DNAH17: variants seen among roughly 807,000 people sequenced by gnomAD.
DNAH17 encodes the protein axonemal beta dynein heavy chain 17.
DNAH17 carries 376 observed loss-of-function variants against 485.6 expected under a neutral mutation model. The ratio of observed to expected loss-of-function variants is 0.77; its 90% confidence interval spans 0.71 to 0.84. The LOEUF is 0.84. Ranked by LOEUF, DNAH17 falls within the 40% of genes least tolerant of loss-of-function variation. The pLI is 0.00. For synonymous variants in DNAH17, 3,031 were observed against 2,405.9 expected, an observed-to-expected ratio of 1.26 and a Z score of -7.60; for missense variants, 6,370 against 5,839.3, an observed-to-expected ratio of 1.09 and a Z score of -2.96.
In DNAH17 at chr17:78,466,664, C is replaced by T. The variant is rs1184534984; in HGVS notation, c.8931G>A (p.Glu2977=). The T allele has an allele frequency of 1.9e-6, 3 of 1,609,686 alleles. No homozygotes were observed. The African/African-American group carries it at 4.0e-5, about 22-fold the overall frequency. ...GGCCTCAGTGACTCACCGGAATCCC[C>T]TCAGTCTCCTCCAGGAAGCGGGCGC... ...SVSARFLEET[E]GIPWEVKASI... Residue 2977 remains glutamate, a synonymous_variant, in exon 56 of 81, where the codon GAG becomes GAA. Coordinates refer to ENST00000389840, the MANE Select transcript of DNAH17 (RefSeq NM_173628.4).
intron 75 of DNAH17, among the ~76,000 whole-genome samples, chr17:78,430,067 C>T (rs1459007164): frequency 1.3e-5 from 2 of 152,368 alleles, no homozygotes; most frequent in East Asian, 3.9e-4. Context: ...TGCTTCCTTG[C>T]AGTCTCACGT....
At chr17:78,561,179 G>A (rs555018733) in intron 12 of DNAH17, among the ~76,000 whole-genome samples, 5 of 152,134 alleles carry the variant, frequency 3.3e-5, no homozygotes, top group East Asian at 1.9e-4. Flanking sequence ...ACTGGCTCCC[G>A]ACCGCCAGGC....
At position 78,526,919 on chromosome 17, in the gene DNAH17, G is replaced by A. The variant is rs755738817; in HGVS notation, c.3585C>T (p.Asn1195=). The A allele has an allele frequency of 1.3e-5, 20 of 1,585,208 alleles. No homozygotes were observed. Among genetic ancestry groups the A allele is most frequent in the East Asian group, 4.6e-5 (2 of 43,550 alleles). Residue 1195 remains asparagine (N), a synonymous_variant, in exon 23 of 81, where the codon AAC becomes AAT. Transcript: ENST00000389840. The part of the protein sequence containing the change: ...VKLTVAPLQA[N]EVSILRRKCQ... ...ATTTCCGCCGCAGGATGCTGACCTC[G>A]TTGGCCTGGAGTGGTGCCACGGTCA...
In DNAH17 at chr17:78,475,440, G is replaced by T; in HGVS notation, c.8349C>A (p.Ile2783=). ...ACTCCAGGATGCGATTAATCCTGCA[G>T]ATGTGAGCCACGGCGTCCTCAAACA... ...LVLFEDAVAH[I]CRINRILESP... Residue 2783 remains isoleucine (I), a synonymous_variant, in exon 54 of 81, where the codon ATC becomes ATA. Coordinates refer to ENST00000389840, the MANE Select transcript of DNAH17 (RefSeq NM_173628.4). The T allele has an allele frequency of 6.2e-7, 1 of 1,613,940 alleles. No individual in the cohort carries two copies. Among genetic ancestry groups the T allele is most frequent in the Non-Finnish European group, 8.5e-7 (1 of 1,179,888 alleles).
intron 69 of DNAH17, among the ~76,000 whole-genome samples, chr17:78,446,718 A>G (rs373474949): frequency 1.8e-4 from 28 of 152,256 alleles, no homozygotes; most frequent in African/African-American, 6.0e-4. Context: ...ATCTCGGCTC[A>G]CTGCAACTTC....
intron 44 of DNAH17, 42 bp from the exon 45 acceptor site, chr17:78,486,548 G>A: frequency 1.3e-6 from 2 of 1,560,402 alleles, no homozygotes; most frequent in Non-Finnish European, 1.7e-6. Flanking sequence ...CCGCTGCTCT[G>A]GGTCTGCCAG....
intron 71 of DNAH17, among the ~76,000 whole-genome samples, chr17:78,443,083 C>T (rs1230913671): frequency 6.6e-6 from 1 of 152,192 alleles, no homozygotes; most frequent in Non-Finnish European, 1.5e-5. Flanking sequence ...CCAAGGCCAC[C>T]GCAGAGCACG....
chr17:78,437,903 GC>G, intron 73 of DNAH17, 35 bp from the exon 74 acceptor site: 1 of 1,535,122 alleles, frequency 6.5e-7, no homozygotes. Context: ...TACACACTTT[GC>G]CCAGCTCCTG....
intron 36 of DNAH17, 22 bp from the exon 37 acceptor site, chr17:78,499,134 A>C: frequency 6.5e-7 from 1 of 1,529,756 alleles, no homozygotes; most frequent in South Asian, 1.2e-5. Context: ...GAGATGGAGA[A>C]AGGAAGAGCT....
intron 9 of DNAH17, among the ~76,000 whole-genome samples, chr17:78,567,985 G>A (rs1037761677): frequency 2.0e-5 from 3 of 152,120 alleles, no homozygotes; most frequent in Non-Finnish European, 4.4e-5. Flanking sequence ...TGCTGAGGTT[G>A]GTGCTATTCT....
rs7405830 is a variant in DNAH17 at position 78,476,686 on chromosome 17, G to A, written c.8040C>T (p.Leu2680=). The A allele has an allele frequency of 0.23, 370,859 of 1,611,882 alleles. 51,979 individuals carry two copies. Among genetic ancestry groups the A allele is most frequent in the African/African-American group, 0.69 (51,538 of 74,888 alleles). The change falls in exon 52 of 81, where the codon CTC becomes CTT. Residue 2680 remains leucine (L), a synonymous_variant. Transcript: ENST00000389840. ...CAGTCTCATGTAGCCAAAGGCGGAC[G>A]AGGTCCAGTGGGGTTTTCAGAACTT... ...TAEVLKTPLD[L]VRLWLHETER... is the part of the protein sequence containing the mutation.
At chr17:78,434,545 A>G (rs1362761226) in intron 74 of DNAH17, among the ~76,000 whole-genome samples, 1 of 152,050 alleles carries the variant, frequency 6.6e-6, no homozygotes, top group Non-Finnish European at 1.5e-5. Context: ...ATACGAAATA[A>G]TGTTCCTTTG....
In DNAH17 at chr17:78,539,840, G is replaced by C; in HGVS notation, c.2573C>G (p.Pro858Arg). 6.2e-7 allele frequency: 1 copy of C among 1,610,542 alleles called. No homozygotes were observed. Among genetic ancestry groups the C allele is most frequent in the Middle Eastern group, 1.7e-4 (1 of 6,058 alleles). Residue 858 changes from proline to arginine, a missense_variant, in exon 18 of 81, where the codon CCC becomes CGC. Pro to Arg is a moderately radical substitution (Grantham distance 103). Transcript: ENST00000389840. ...ELFRADTLSL[P>R]WKDYVIYIDD... is the part of the protein sequence containing the mutation. ...AATGTAGATGACATAATCCTTCCAG[G>C]GCAGGCTCAGTGTGTCTGCCCTGAA...
chr17:78,495,099 T>TG lies in DNAH17; in HGVS notation c.5904-3dup. On this transcript the variant is annotated splice_region_variant and splice_polypyrimidine_tract_variant and intron_variant, in intron 38 of 80. Transcript: ENST00000389840. Reference sequence around the variant, plus strand: ...TCGGGGACGACCATGGCACAGGGCCTGGGGAGGTCAGCGGTGCCTGTGGGC... The same window carrying TG: ...TCGGGGACGACCATGGCACAGGGCCTGGGGGAGGTCAGCGGTGCCTGTGGGC... 1 of 1,602,748 alleles carries TG rather than the reference T, an allele frequency of 6.2e-7. No individual in the cohort carries two copies. Among genetic ancestry groups the TG allele is most frequent in the Middle Eastern group, 1.7e-4 (1 of 5,794 alleles).
chr17:78,451,689 G>A lies in DNAH17; in HGVS notation c.10530-16C>T. The A allele has an allele frequency of 6.5e-7, 1 of 1,546,758 alleles. No individual in the cohort carries two copies. The highest frequency in any genetic ancestry group is 1.3e-5 in the South Asian group (1 of 79,920). On this transcript the variant is annotated splice_polypyrimidine_tract_variant and intron_variant, in intron 65 of 80. Transcript: ENST00000389840. Reference sequence around the variant, plus strand: ...CTTAATGTACCTGGCGGTTGGTGGAGGAAAGGGTTAGTGGGCCTCCCAGTG... The same window carrying A: ...CTTAATGTACCTGGCGGTTGGTGGAAGAAAGGGTTAGTGGGCCTCCCAGTG...
At position 78,445,766 on chromosome 17, in the gene DNAH17, T is replaced by G. The variant is rs563592631; in HGVS notation, c.11212-86A>C. 100 of 1,470,370 alleles carry G rather than the reference T, an allele frequency of 6.8e-5. No homozygotes were observed. In the African/African-American group the frequency reaches 9.1e-4, roughly 13 times the overall value. The allele number at this position is 1,470,370 out of a possible 1,614,324, so 91.1% of individuals were successfully genotyped here. A position where few individuals can be genotyped will look rare whatever the true frequency, so the allele number is the denominator to read the frequency against. On this transcript the variant is annotated intron_variant, in intron 69 of 80. Transcript: ENST00000389840. ...GATGCGCGCTGGACTCGAAGAGGAG[T>G]TCACACTCCCGGCCTGCAGGGGGCG...
At chr17:78,564,990 T>TC (rs1019177507) in intron 11 of DNAH17, among the ~76,000 whole-genome samples, 1 of 152,176 alleles carries the variant, frequency 6.6e-6, no homozygotes, top group African/African-American at 2.4e-5. Flanking sequence ...CATCAGGGTC[T>TC]CCATCCTCCA....
At chr17:78,443,609 G>C (rs895895196) in intron 71 of DNAH17, among the ~76,000 whole-genome samples, 1 of 152,160 alleles carries the variant, frequency 6.6e-6, no homozygotes, top group African/African-American at 2.4e-5. Flanking sequence ...GAGCGCAGTG[G>C]CACAATCTCG....
In DNAH17 at chr17:78,574,701, G is replaced by A. The variant is rs1034240310; in HGVS notation, c.345+12C>T. 5 of 1,585,430 alleles carry A rather than the reference G, an allele frequency of 3.2e-6. No individual in the cohort carries two copies. The highest frequency in any genetic ancestry group is 1.3e-5 in the African/African-American group (1 of 74,476). On this transcript the variant is annotated intron_variant, in intron 2 of 80. Coordinates refer to ENST00000389840, the MANE Select transcript of DNAH17 (RefSeq NM_173628.4). ...TGCTCGACACCCCGGATGGCAGCCT[G>A]GACGCACTCACCTCCTCCACCACCG...
Sources: gnomAD v4.1 joint callset for allele counts (sites outside exome capture counted in the v4.1 genomes callset) on GRCh38, gnomAD v4.1.1 for gene constraint, MANE v1.5 for transcripts, NCBI Gene and HGNC (gene_info 2026-07-23, HGNC 2026-07-21) for gene names.